The following ADAMTS6 variants were observed in gnomAD, a reference collection of about 807,000 sequenced individuals.
The protein encoded by ADAMTS6 is A disintegrin and metalloproteinase with thrombospondin motifs 6.
Under a neutral mutation model 144.3 loss-of-function variants are expected in ADAMTS6, and 23 were observed. The observed-to-expected ratio is 0.16, with a 90% CI of 0.11 to 0.23. The LOEUF is 0.23. ADAMTS6 is among the 10% of genes least tolerant of loss of function. The pLI is 1.00. For synonymous variants in ADAMTS6, 444 were observed against 457.5 expected (o/e 0.97, Z 0.38); for missense variants, 999 against 1,379.6 (o/e 0.72, Z 4.37).
intron 9 of ADAMTS6, among the ~76,000 whole-genome samples, chr5:65,305,150 A>G (rs934676956): frequency 2.0e-5 from 3 of 152,238 alleles, no homozygotes; most frequent in East Asian, 1.9e-4. Flanking sequence ...TATTATGGAC[A>G]TATAAATAGA....
intron 7 of ADAMTS6, among the ~76,000 whole-genome samples, chr5:65,392,366 A>G (rs1237255035): frequency 6.6e-6 from 1 of 152,178 alleles, no homozygotes; most frequent in Non-Finnish European, 1.5e-5. Flanking sequence ...ATCCTTGCCT[A>G]ATACAATCTT....
chr5:65,442,502 C>T (rs1407914839), intron 7 of ADAMTS6, among the ~76,000 whole-genome samples: 1 of 152,082 alleles, frequency 6.6e-6, no homozygotes, highest in African/African-American at 2.4e-5. Flanking sequence ...TATACAAACT[C>T]TTCCAGAAAA....
intron 7 of ADAMTS6, among the ~76,000 whole-genome samples, chr5:65,343,467 G>A (rs1366006991): frequency 1.3e-5 from 2 of 151,998 alleles, no homozygotes; most frequent in African/African-American, 2.4e-5. Context: ...TCAATAAATG[G>A]TGCTGGGGAA....
At chr5:65,157,763 C>T (rs576841958) in intron 24 of ADAMTS6, among the ~76,000 whole-genome samples, 3 of 151,470 alleles carry the variant, frequency 2.0e-5, no homozygotes, top group Admixed American at 6.5e-5. Context: ...AATGTGAACT[C>T]AGTGTACTTC....
At chr5:65,259,675 C>T (rs913497927) in intron 14 of ADAMTS6, among the ~76,000 whole-genome samples, 1 of 151,976 alleles carries the variant, frequency 6.6e-6, no homozygotes, top group African/African-American at 2.4e-5. Context: ...ACAGACAAGT[C>T]TTTTGAGAAA....
intron 11 of ADAMTS6, among the ~76,000 whole-genome samples, chr5:65,274,257 AG>A (rs1762279507): frequency 6.6e-6 from 1 of 152,074 alleles, no homozygotes; most frequent in Admixed American, 6.6e-5. Flanking sequence ...TCCTACATAA[AG>A]GGTTTCAACC....
intron 15 of ADAMTS6, 51 bp from the exon 16 acceptor site, chr5:65,226,270 C>A: frequency 3.8e-6 from 6 of 1,583,914 alleles, no homozygotes; most frequent in Non-Finnish European, 5.2e-6. Context: ...TCCTAATGAA[C>A]AGTGATTCAG....
intron 12 of ADAMTS6, among the ~76,000 whole-genome samples, chr5:65,268,124 T>G (rs1278224714): frequency 6.6e-6 from 1 of 152,210 alleles, no homozygotes; most frequent in East Asian, 1.9e-4. Context: ...TATCCAGTGC[T>G]TTAGAAGGGC....
intron 7 of ADAMTS6, among the ~76,000 whole-genome samples, chr5:65,412,520 C>T (rs1193663659): frequency 6.6e-6 from 1 of 152,042 alleles, no homozygotes; most frequent in East Asian, 1.9e-4. Context: ...AAGCAGTAAT[C>T]GTATTACTCT....
rs1432649292 is a variant in ADAMTS6, at chr5:65,292,277, G to A, written c.1371-807C>T. On this transcript the variant is annotated intron_variant, in intron 10 of 24. Transcript: ENST00000381055. ...TCAGTGTGCATAAAATAGGACAGAT[G>A]CTTTTTTACTTTCATTTCACATGTG... Among the ~76,000 whole-genome samples the A allele has an allele frequency of 5.9e-5, 9 of 151,910 alleles. No homozygotes were observed. In the East Asian group the frequency reaches 9.7e-4, roughly 16 times the overall value.
chr5:65,310,624 A>C (rs767892956), intron 9 of ADAMTS6, among the ~76,000 whole-genome samples: 2 of 152,228 alleles, frequency 1.3e-5, no homozygotes, highest in Non-Finnish European at 2.9e-5. Context: ...TTTGCACACT[A>C]AATCATTGTC....
intron 7 of ADAMTS6, among the ~76,000 whole-genome samples, chr5:65,374,919 T>C (rs140241254): frequency 0.054 from 8,175 of 152,076 alleles, 273 homozygotes; most frequent in East Asian, 0.11. Context: ...GAGATATAGA[T>C]CAATGGAACA....
intron 7 of ADAMTS6, among the ~76,000 whole-genome samples, chr5:65,393,434 T>C (rs1753089893): frequency 6.6e-6 from 1 of 152,236 alleles, no homozygotes; most frequent in Admixed American, 6.5e-5. Flanking sequence ...TTTAACACTA[T>C]GACCTAGCTC....
intron 7 of ADAMTS6, among the ~76,000 whole-genome samples, chr5:65,353,216 G>A (rs1191215719): frequency 6.6e-6 from 1 of 151,958 alleles, no homozygotes; most frequent in Admixed American, 6.6e-5. Flanking sequence ...ATATGTTAAT[G>A]GTTCCCCCAT....
chr5:65,441,865 C>T (rs572770377), intron 7 of ADAMTS6, among the ~76,000 whole-genome samples: 2 of 147,628 alleles, frequency 1.4e-5, no homozygotes, highest in Admixed American at 1.3e-4. Flanking sequence ...TCTAAAGGAA[C>T]ATTAGAAAGT....
chr5:65,420,332 C>A (rs926299694), intron 7 of ADAMTS6, among the ~76,000 whole-genome samples: 1 of 152,100 alleles, frequency 6.6e-6, no homozygotes, highest in East Asian at 1.9e-4. Context: ...AATACTGAAA[C>A]CACTGAATTG....
intron 7 of ADAMTS6, among the ~76,000 whole-genome samples, chr5:65,432,078 C>G (rs1757041253): frequency 6.6e-6 from 1 of 151,794 alleles, no homozygotes. Context: ...TAACATTGGC[C>G]TATTATTAAG....
intron 7 of ADAMTS6, among the ~76,000 whole-genome samples, chr5:65,418,784 A>T (rs540845079): frequency 1.7e-3 from 253 of 152,326 alleles, no homozygotes; most frequent in Non-Finnish European, 2.8e-3. Context: ...GTGGCCAACA[A>T]ACATATGAAA....
At chr5:65,186,625 G>A (rs918556989) in intron 22 of ADAMTS6, among the ~76,000 whole-genome samples, 3 of 152,132 alleles carry the variant, frequency 2.0e-5, no homozygotes, top group Admixed American at 6.5e-5. Flanking sequence ...TTTATCAATG[G>A]ATTTTATCTT....
Sources: allele counts gnomAD v4.1 joint callset (sites outside exome capture counted in the v4.1 genomes callset), GRCh38; gene constraint gnomAD v4.1.1; transcripts MANE v1.5; gene names NCBI Gene and HGNC (gene_info 2026-07-23, HGNC 2026-07-21).